BCKDHB: variants seen among roughly 807,000 people sequenced by gnomAD.
BCKDHB encodes branched chain keto acid dehydrogenase E1 subunit beta.
Under a neutral mutation model 48.5 loss-of-function variants are expected in BCKDHB, and 41 were observed. The ratio of observed to expected loss-of-function variants is 0.85; its 90% CI spans 0.66 to 1.10. The LOEUF (loss-of-function observed/expected upper bound fraction) is 1.10, where lower values mean the gene tolerates loss of function less well. Ranked by LOEUF, BCKDHB falls within the 50% of genes least tolerant of loss-of-function variation. The pLI is 0.00. For missense variants in BCKDHB, 496 were observed against 494.2 expected (o/e 1.00, Z -0.03); for synonymous variants, 201 against 174.8 (o/e 1.15, Z -1.18).
chr6:80,301,042 TAAGAG>T (rs1171730452), intron 9 of BCKDHB, among the ~76,000 whole-genome samples: 3 of 152,096 alleles, frequency 2.0e-5, no homozygotes, highest in Non-Finnish European at 4.4e-5. Context: ...AAAGCAGTGT[TAAGAG>T]AAAAGTTTAT....
chr6:80,450,402 T>A, the BCKDHB span, among the ~76,000 whole-genome samples: 1 of 152,116 alleles, frequency 6.6e-6, no homozygotes, highest in South Asian at 2.1e-4. Flanking sequence ...TGGCCAGTAG[T>A]GAGACAAGAT....
chr6:80,350,295 C>T (rs528223464), downstream of BCKDHB, among the ~76,000 whole-genome samples: 4 of 150,798 alleles, frequency 2.7e-5, no homozygotes, highest in Non-Finnish European at 5.9e-5. Flanking sequence ...AATGCGAGAA[C>T]AAAGAAGGAA....
chr6:80,108,371 C>A (rs552278003), intron 1 of BCKDHB, among the ~76,000 whole-genome samples: 4 of 147,612 alleles, frequency 2.7e-5, no homozygotes, highest in African/African-American at 1.0e-4. Context: ...CAAATTCTGT[C>A]TTCAAAGCAA....
intron 8 of BCKDHB, among the ~76,000 whole-genome samples, chr6:80,271,069 A>G (rs1046880670): frequency 2.0e-5 from 3 of 152,090 alleles, no homozygotes; most frequent in Admixed American, 6.6e-5. Context: ...TGCTCGGGAG[A>G]AACTATTTTT....
chr6:80,191,660 T>A (rs1773900324), intron 6 of BCKDHB, among the ~76,000 whole-genome samples: 1 of 152,134 alleles, frequency 6.6e-6, no homozygotes, highest in Admixed American at 6.5e-5. Flanking sequence ...TCTGCTTATG[T>A]GCCAATATAA....
the BCKDHB span, among the ~76,000 whole-genome samples, chr6:80,401,977 A>G: frequency 1.3e-5 from 2 of 151,768 alleles, no homozygotes; most frequent in East Asian, 3.9e-4. Flanking sequence ...TACATATTGT[A>G]TATTGTGTGT....
intron 3 of BCKDHB, among the ~76,000 whole-genome samples, chr6:80,143,236 C>A (rs1432568993): frequency 2.0e-5 from 3 of 152,098 alleles, no homozygotes; most frequent in Admixed American, 2.0e-4. Context: ...ACACTGTGCT[C>A]AGACATTGAG....
intron 3 of BCKDHB, among the ~76,000 whole-genome samples, chr6:80,163,311 C>CTTTTTTT: frequency 1.4e-5 from 2 of 138,098 alleles, no homozygotes; most frequent in Non-Finnish European, 3.1e-5. Context: ...TGCAATTAAG[C>CTTTTTTT]TTTTTTTTTT....
intron 3 of BCKDHB, among the ~76,000 whole-genome samples, chr6:80,143,478 T>C (rs763344676): frequency 1.3e-5 from 2 of 152,192 alleles, no homozygotes; most frequent in Middle Eastern, 3.2e-3. Context: ...GAGGACAGTA[T>C]TAATGTCATT....
At chr6:80,188,660 A>G (rs966047438) in intron 6 of BCKDHB, among the ~76,000 whole-genome samples, 5 of 152,016 alleles carry the variant, frequency 3.3e-5, no homozygotes, top group African/African-American at 1.2e-4. Context: ...CCAAAACCCC[A>G]AAACCCAAAA....
At chr6:80,374,593 T>G in the BCKDHB span, 1 of 637,130 alleles carries the variant, frequency 1.6e-6, no homozygotes, top group Non-Finnish European at 2.9e-6. Flanking sequence ...CTCCGGCTAC[T>G]TAGGAAAAGA....
chr6:80,250,801 G>A (rs1461400246), intron 8 of BCKDHB, among the ~76,000 whole-genome samples: 1 of 152,088 alleles, frequency 6.6e-6, no homozygotes, highest in Non-Finnish European at 1.5e-5. Flanking sequence ...CTTAATTACT[G>A]GTTCCATGTA....
chr6:80,464,613 C>G, the BCKDHB span, among the ~76,000 whole-genome samples: 2 of 152,172 alleles, frequency 1.3e-5, no homozygotes, highest in African/African-American at 4.8e-5. Context: ...ATTCACTGAA[C>G]AGTTGAAAGG....
At chr6:80,108,117 T>C (rs1301079171) in intron 1 of BCKDHB, among the ~76,000 whole-genome samples, 1 of 151,982 alleles carries the variant, frequency 6.6e-6, no homozygotes, top group Non-Finnish European at 1.5e-5. Flanking sequence ...GTTAATGGAG[T>C]CTTGAGACAG....
At chr6:80,263,126 T>C (rs888515222) in intron 8 of BCKDHB, among the ~76,000 whole-genome samples, 1 of 152,190 alleles carries the variant, frequency 6.6e-6, no homozygotes, top group Non-Finnish European at 1.5e-5. Flanking sequence ...TTAGCAATAA[T>C]GTAATTTTTG....
chr6:80,218,885 A>G (rs1043680897), intron 8 of BCKDHB, among the ~76,000 whole-genome samples: 6 of 152,242 alleles, frequency 3.9e-5, no homozygotes, highest in Non-Finnish European at 5.9e-5. Flanking sequence ...CACACTGTTA[A>G]TATTATTATG....
chr6:80,213,924 A>G (rs1163923491), intron 8 of BCKDHB, among the ~76,000 whole-genome samples: 1 of 152,154 alleles, frequency 6.6e-6, no homozygotes, highest in Non-Finnish European at 1.5e-5. Context: ...CTTAGGGGAA[A>G]GGAGCTAGAA....
intron 9 of BCKDHB, among the ~76,000 whole-genome samples, chr6:80,294,321 A>C (rs2127986966): frequency 6.6e-6 from 1 of 152,334 alleles, no homozygotes; most frequent in Admixed American, 6.5e-5. Context: ...TCACCTCAGG[A>C]CCATGGTGAT....
chr6:80,386,681 G>A, the BCKDHB span, among the ~76,000 whole-genome samples: 1 of 152,222 alleles, frequency 6.6e-6, no homozygotes, highest in Non-Finnish European at 1.5e-5. Context: ...AGGTAAAGTG[G>A]CAATCAGAAT....
Sources: gnomAD v4.1 joint callset for allele counts (sites outside exome capture counted in the v4.1 genomes callset) on GRCh38, gnomAD v4.1.1 for gene constraint, MANE v1.5 for transcripts, NCBI Gene and HGNC (gene_info 2026-07-23, HGNC 2026-07-21) for gene names.